Variants in MUC7 observed in about 807,000 individuals in gnomAD.
MUC7 encodes the protein mucin 7, secreted, also known as mucin-7.
Under a neutral mutation model 2.5 loss-of-function variants are expected in MUC7, and 2 were observed. The ratio of observed to expected loss-of-function variants is 0.81; its 90% CI spans 0.33 to 2.55. MUC7 has a LOEUF of 2.55. Ranked by LOEUF, MUC7 falls within the 30% of genes most tolerant of loss-of-function variation. MUC7 has a pLI of 0.11. For missense variants in MUC7, 408 were observed against 455.6 expected (o/e 0.90, Z 0.95); for synonymous variants, 133 against 173.4 (o/e 0.77, Z 1.83).
intron 1 of MUC7, among the ~76,000 whole-genome samples, chr4:70,451,761 A>C (rs573262874): frequency 2.0e-5 from 3 of 152,198 alleles, no homozygotes; most frequent in African/African-American, 7.2e-5. Flanking sequence ...ATATTCTGTA[A>C]ATATGTATTA....
At chr4:70,444,555 C>T (rs1734083714) in intron 1 of MUC7, among the ~76,000 whole-genome samples, 1 of 152,210 alleles carries the variant, frequency 6.6e-6, no homozygotes, top group Non-Finnish European at 1.5e-5. Flanking sequence ...CCATCTAATA[C>T]TGAAATGGTC....
chr4:70,444,900 A>G (rs142773139), intron 1 of MUC7, among the ~76,000 whole-genome samples: 3 of 152,248 alleles, frequency 2.0e-5, no homozygotes, highest in African/African-American at 4.8e-5. Context: ...AAAAATACAA[A>G]AACTATCCAG....
upstream of MUC7, among the ~76,000 whole-genome samples, chr4:70,469,205 T>C (rs1734764412): frequency 6.6e-6 from 1 of 152,208 alleles, no homozygotes; most frequent in South Asian, 2.1e-4. Flanking sequence ...GCTAGCCACA[T>C]GCAGAAAACT....
chr4:70,474,187 A>G, intron 2 of MUC7, 112 bp downstream of exon 2: 1 of 855,070 alleles, frequency 1.2e-6, no homozygotes, highest in Non-Finnish European at 1.9e-6. Context: ...AAGAAGCTTG[A>G]CATCTTTTAT....
chr4:70,458,655 C>A (rs1166130808), intron 1 of MUC7, among the ~76,000 whole-genome samples: 2 of 151,728 alleles, frequency 1.3e-5, no homozygotes, highest in Non-Finnish European at 2.9e-5. Context: ...AGAAACAAAA[C>A]AGCTTGGAAA....
At chr4:70,450,384 C>T (rs1734251590) in intron 1 of MUC7, among the ~76,000 whole-genome samples, 1 of 152,184 alleles carries the variant, frequency 6.6e-6, no homozygotes, top group Non-Finnish European at 1.5e-5. Context: ...AAATGCCATC[C>T]AAGAGTCAAG....
At chr4:70,465,387 G>T (rs1055482845) in intron 1 of MUC7, among the ~76,000 whole-genome samples, 7 of 152,148 alleles carry the variant, frequency 4.6e-5, no homozygotes, top group African/African-American at 1.7e-4. Flanking sequence ...AACAAAAGTG[G>T]ACAGAGAATG....
chr4:70,440,673 T>C (rs1733979471), intron 1 of MUC7, among the ~76,000 whole-genome samples: 1 of 152,186 alleles, frequency 6.6e-6, no homozygotes, highest in African/African-American at 2.4e-5. Context: ...TCTATACAAA[T>C]TTTATTAATG....
chr4:70,479,452 C>G (rs778056668), intron 2 of MUC7, among the ~76,000 whole-genome samples: 2 of 152,138 alleles, frequency 1.3e-5, no homozygotes, highest in Admixed American at 6.6e-5. Context: ...CCAAAGAAAG[C>G]TTTATAACTT....
intron 1 of MUC7, among the ~76,000 whole-genome samples, chr4:70,450,410 T>C (rs1577903272): frequency 6.6e-6 from 1 of 152,202 alleles, no homozygotes; most frequent in African/African-American, 2.4e-5. Context: ...GAATTGGGGA[T>C]GCCTAGGGCC....
chr4:70,477,270 G>T (rs13145657), intron 2 of MUC7, among the ~76,000 whole-genome samples: 39,601 of 151,754 alleles, frequency 0.26, 5,394 homozygotes, highest in East Asian at 0.38. Context: ...AATTAGCCAG[G>T]CATGCAGTAC....
chr4:70,466,279 T>C (rs905168090), intron 1 of MUC7, among the ~76,000 whole-genome samples: 1 of 152,050 alleles, frequency 6.6e-6, no homozygotes, highest in Non-Finnish European at 1.5e-5. Flanking sequence ...TGGAAAGGAA[T>C]AACCAGTACC....
rs377202685 is a variant in MUC7 at position 70,436,222 on chromosome 4, G to T, written c.-93+5535G>T. ...GAGGAGTATCTTTCTGGTGTTCTCTGTATTTCCTGAATTTGAATGTTGGCC... is the reference window on the plus strand; with the variant it reads ...GAGGAGTATCTTTCTGGTGTTCTCTTTATTTCCTGAATTTGAATGTTGGCC... On this transcript the variant is annotated intron_variant, in intron 1 of 3. Coordinates refer to the MUC7 transcript ENST00000413702. Among the ~76,000 whole-genome samples the T allele has an allele frequency of 5.0e-4, 76 of 152,290 alleles. 2 individuals are homozygous for T. In the South Asian group the frequency reaches 0.016, roughly 31 times the overall value.
Position 70,446,373 on chromosome 4 carries a change from T to A in MUC7, c.-93+15686T>A, listed in dbSNP as rs77493730. Among the ~76,000 whole-genome samples the A allele has an allele frequency of 2.2e-4, 33 of 152,312 alleles. No homozygotes were observed. In the East Asian group the frequency reaches 5.0e-3, roughly 23 times the overall value. ...AGGCTAGGGGTCTGAAATCAAGGTG[T>A]CTACAGGGCCATCTTGCCTGTGAAA... is the stretch of plus-strand genomic sequence containing the variant. On this transcript the variant is annotated intron_variant, in intron 1 of 3. Coordinates refer to the MUC7 transcript ENST00000413702.
chr4:70,458,636 G>GA (rs1734468626), intron 1 of MUC7, among the ~76,000 whole-genome samples: 1 of 151,216 alleles, frequency 6.6e-6, no homozygotes, highest in African/African-American at 2.4e-5. Flanking sequence ...AAGATAATGA[G>GA]AAAAAAAGAG....
intron 1 of MUC7, among the ~76,000 whole-genome samples, chr4:70,444,911 G>A (rs1734090344): frequency 6.6e-6 from 1 of 152,074 alleles, no homozygotes; most frequent in South Asian, 2.1e-4. Flanking sequence ...AACTATCCAG[G>A]TGTGGGGGCA....
chr4:70,441,665 G>T (rs535414436), intron 1 of MUC7, among the ~76,000 whole-genome samples: 57 of 152,306 alleles, frequency 3.7e-4, no homozygotes, highest in African/African-American at 1.4e-3. Context: ...GGATGGATTT[G>T]CAGCTTTAAG....
upstream of MUC7, among the ~76,000 whole-genome samples, chr4:70,470,914 T>C (rs1022376395): frequency 3.3e-5 from 5 of 152,216 alleles, no homozygotes; most frequent in African/African-American, 1.2e-4. Context: ...TTTTAACTTA[T>C]CTACTTTCAG....
At chr4:70,460,781 G>A (rs1379593305) in intron 1 of MUC7, among the ~76,000 whole-genome samples, 2 of 152,162 alleles carry the variant, frequency 1.3e-5, no homozygotes, top group Non-Finnish European at 2.9e-5. Flanking sequence ...TGTCAGTGGA[G>A]GTTTCTGGGA....
Sources: gnomAD v4.1 joint callset for allele counts (sites outside exome capture counted in the v4.1 genomes callset) on GRCh38, gnomAD v4.1.1 for gene constraint, MANE v1.5 for transcripts, NCBI Gene and HGNC (gene_info 2026-07-23, HGNC 2026-07-21) for gene names.